Variants in CD244 observed in about 807,000 individuals in gnomAD.
CD244 encodes natural killer cell receptor 2B4.
A neutral mutation model predicts 45.5 loss-of-function variants in CD244; 20 were observed. The ratio of observed to expected loss-of-function variants is 0.44; its 90% CI spans 0.31 to 0.64. CD244 has a LOEUF of 0.64. Ranked by LOEUF, CD244 falls within the 30% of genes least tolerant of loss-of-function variation. The pLI is 0.08. For missense variants in CD244, 407 were observed against 426.9 expected (o/e 0.95, Z 0.41); for synonymous variants, 185 against 160.5 (o/e 1.15, Z -1.15).
Position 160,837,940 on chromosome 1 carries a change from G to A in CD244, c.834+511C>T, listed in dbSNP as rs546100893. Among the ~76,000 whole-genome samples the A allele has an allele frequency of 2.0e-5, 3 of 152,324 alleles. No homozygotes were observed. In the East Asian group the frequency reaches 5.8e-4, roughly 29 times the overall value. On this transcript the variant is annotated intron_variant, in intron 5 of 8. Transcript: ENST00000368034. ...TGGAGGAGCCTACTCAGGCTGGTGGGCTTTGTGCCAGGCTGGTTACTCTCT... is the reference window on the plus strand; with the variant it reads ...TGGAGGAGCCTACTCAGGCTGGTGGACTTTGTGCCAGGCTGGTTACTCTCT...
chr1:160,853,422 T>C (rs1669989080), intron 1 of CD244, among the ~76,000 whole-genome samples: 2 of 152,220 alleles, frequency 1.3e-5, no homozygotes, highest in Non-Finnish European at 2.9e-5. Context: ...AGAAATGTGT[T>C]ACATCTTGAT....
At chr1:160,839,549 C>G (rs1422918716) in intron 3 of CD244, among the ~76,000 whole-genome samples, 1 of 152,142 alleles carries the variant, frequency 6.6e-6, no homozygotes, top group East Asian at 1.9e-4. Context: ...GTCATTATTC[C>G]CTAAACAATA....
At chr1:160,857,485 T>C (rs995284533) in intron 1 of CD244, among the ~76,000 whole-genome samples, 15 of 152,206 alleles carry the variant, frequency 9.9e-5, no homozygotes, top group Admixed American at 7.2e-4. Flanking sequence ...AATAATAACA[T>C]ACATAAATCT....
In CD244 at chr1:160,839,055, G is replaced by A. The variant is rs1167511456; in HGVS notation, c.656-6C>T. The A allele has an allele frequency of 6.2e-7, 1 of 1,602,592 alleles. No homozygotes were observed. Among genetic ancestry groups the A allele is most frequent in the Non-Finnish European group, 8.5e-7 (1 of 1,170,132 alleles). ...AAACGGCCAAAATCTGAATTCTGAG[G>A]AATACAGAAGGCGTGAGAACTGAGC... On this transcript the variant is annotated splice_polypyrimidine_tract_variant and splice_region_variant and intron_variant, in intron 3 of 8. Transcript: ENST00000368034.
intron 1 of CD244, among the ~76,000 whole-genome samples, chr1:160,843,553 G>A (rs1369677492): frequency 6.6e-6 from 1 of 152,182 alleles, no homozygotes; most frequent in East Asian, 1.9e-4. Context: ...CAGAGAGTTT[G>A]TGATCTGGAA....
At chr1:160,837,496 A>G (rs1252676199) in intron 5 of CD244, among the ~76,000 whole-genome samples, 1 of 152,172 alleles carries the variant, frequency 6.6e-6, no homozygotes, top group African/African-American at 2.4e-5. Flanking sequence ...ATAAATAAAT[A>G]AAGATAAAAA....
Position 160,836,218 on chromosome 1 carries a change from T to C in CD244, c.871A>G (p.Ile291Val), listed in dbSNP as rs748932333. Reference protein sequence around the residue: ...EQTFPGGGSTIYSMIQSQSSA... With the variant: ...EQTFPGGGSTVYSMIQSQSSA... ...ACCTGGGACTGGATCATAGAGTAGA[T>C]GGTGCTCCCCCCTCCAGGAAAAGTC... Residue 291 changes from isoleucine to valine, a missense_variant, in exon 6 of 9, where the codon ATC (isoleucine) becomes GTC (valine). Physicochemically the swap from Ile to Val is conservative, Grantham distance 29. Coordinates refer to ENST00000368034, the MANE Select transcript of CD244 (RefSeq NM_016382.4). 20 of 1,613,772 alleles carry C rather than the reference T, an allele frequency of 1.2e-5. No homozygotes were observed. Among genetic ancestry groups the C allele is most frequent in the East Asian group, 1.1e-4 (5 of 44,894 alleles).
chr1:160,860,195 G>A (rs1670249301), intron 1 of CD244, among the ~76,000 whole-genome samples: 1 of 152,022 alleles, frequency 6.6e-6, no homozygotes, highest in African/African-American at 2.4e-5. Context: ...GCCACAGAGC[G>A]AGACTCCATC....
intron 1 of CD244, chr1:160,848,433 T>C: frequency 7.3e-6 from 4 of 550,202 alleles, no homozygotes; most frequent in South Asian, 1.4e-5. Flanking sequence ...GCAGACAGCA[T>C]GGAGCCCTTT....
chr1:160,839,068 G>A lies in CD244; in HGVS notation c.656-19C>T, dbSNP rs372047620. The A allele has an allele frequency of 6.0e-5, 94 of 1,566,970 alleles. No homozygotes were observed. Among genetic ancestry groups the A allele is most frequent in the Admixed American group, 5.9e-4 (35 of 59,356 alleles). ...CTGAATTCTGAGGAATACAGAAGGCGTGAGAACTGAGCTGTCAGCTCGCTC... is the reference window on the plus strand; with the variant it reads ...CTGAATTCTGAGGAATACAGAAGGCATGAGAACTGAGCTGTCAGCTCGCTC... On this transcript the variant is annotated intron_variant, in intron 3 of 8. Transcript: ENST00000368034.
rs559404051 is a variant in CD244, at chr1:160,841,403, G to T, written c.462C>A (p.Val154=). 3 of 1,614,214 alleles carry T rather than the reference G, an allele frequency of 1.9e-6. No homozygotes were observed. In the African/African-American group the frequency reaches 4.0e-5, roughly 22 times the overall value. ...CATAGGACACATTGCCATCCCTGGAGACCAAGCAAGACAGAGCCACTTGGC... is the reference window on the plus strand; with the variant it reads ...CATAGGACACATTGCCATCCCTGGATACCAAGCAAGACAGAGCCACTTGGC... ...GRCQVALSCL[V]SRDGNVSYAW... Residue 154 remains valine (V), a synonymous_variant, in exon 3 of 9, where the codon GTC becomes GTA. Transcript: ENST00000368034.
chr1:160,853,836 G>A (rs1282468849), intron 1 of CD244, among the ~76,000 whole-genome samples: 1 of 144,438 alleles, frequency 6.9e-6, no homozygotes, highest in Admixed American at 6.9e-5. Flanking sequence ...ACCTAAAACA[G>A]CCAACTGAAA....
chr1:160,845,958 T>G (rs970501515), intron 1 of CD244, among the ~76,000 whole-genome samples: 2 of 150,390 alleles, frequency 1.3e-5, no homozygotes, highest in Admixed American at 6.6e-5. Context: ...AATCGTAAAA[T>G]AGCCAGAGTG....
At chr1:160,836,886 T>C (rs1669353715) in intron 5 of CD244, among the ~76,000 whole-genome samples, 1 of 152,168 alleles carries the variant, frequency 6.6e-6, no homozygotes, top group Non-Finnish European at 1.5e-5. Flanking sequence ...CAGGGTTCAT[T>C]AGGCAAGGTG....
chr1:160,843,486 C>T lies in CD244; in HGVS notation c.62-1585G>A, dbSNP rs145918515. Among the ~76,000 whole-genome samples, 403 of 152,338 alleles carry T rather than the reference C, an allele frequency of 2.6e-3. 3 individuals are homozygous for T. Among genetic ancestry groups the T allele is most frequent in the African/African-American group, 9.1e-3 (379 of 41,572 alleles). ...ATTCAGTCCTTACTGAGTCCCACTGCAATCCAGCCCCTGAAGAGGCAGGGC... is the reference window on the plus strand; with the variant it reads ...ATTCAGTCCTTACTGAGTCCCACTGTAATCCAGCCCCTGAAGAGGCAGGGC... On this transcript the variant is annotated intron_variant, in intron 1 of 8. Coordinates refer to ENST00000368034, the MANE Select transcript of CD244 (RefSeq NM_016382.4).
chr1:160,841,638 C>G lies in CD244; in HGVS notation c.325G>C (p.Val109Leu). The G allele has an allele frequency of 6.2e-7, 1 of 1,614,180 alleles. No individual in the cohort carries two copies. Among genetic ancestry groups the G allele is most frequent in the Non-Finnish European group, 8.5e-7 (1 of 1,180,032 alleles). Residue 109 changes from valine to leucine, a missense_variant, in exon 2 of 9, where the codon GTC becomes CTC. Coordinates refer to ENST00000368034, the MANE Select transcript of CD244 (RefSeq NM_016382.4). The part of the protein sequence containing the change: ...QQDSGLYCLE[V>L]TSISGKVQTA... ...TGAACTTTTCCAGATATACTGGTGA[C>G]CTCCAGGCAGTAGAGGCCACTGTCC...
chr1:160,850,353 G>T (rs896954101), intron 1 of CD244, among the ~76,000 whole-genome samples: 4 of 152,050 alleles, frequency 2.6e-5, no homozygotes, highest in Non-Finnish European at 5.9e-5. Context: ...CTATACCATG[G>T]TTTTTATTGG....
At chr1:160,832,980 T>TACACAC (rs918919869) in intron 7 of CD244, among the ~76,000 whole-genome samples, 1 of 120,982 alleles carries the variant, frequency 8.3e-6, no homozygotes, top group African/African-American at 3.1e-5. Context: ...CACATACACA[T>TACACAC]ACACACATAT....
chr1:160,852,102 C>T (rs1244505479), intron 1 of CD244, among the ~76,000 whole-genome samples: 2 of 152,126 alleles, frequency 1.3e-5, no homozygotes, highest in Non-Finnish European at 2.9e-5. Context: ...CAATAATACA[C>T]TGATGACAAT....
Sources: gnomAD v4.1 joint callset for allele counts (sites outside exome capture counted in the v4.1 genomes callset) on GRCh38, gnomAD v4.1.1 for gene constraint, MANE v1.5 for transcripts, NCBI Gene and HGNC (gene_info 2026-07-23, HGNC 2026-07-21) for gene names.